MED13L: variants seen among roughly 807,000 people sequenced by gnomAD.
The protein encoded by MED13L is mediator of RNA polymerase II transcription subunit 13-like.
In MED13L, 7 loss-of-function variants were observed where a neutral mutation model predicts 220.9. The ratio of observed to expected loss-of-function variants is 0.03; its 90% confidence interval spans 0.02 to 0.06. MED13L has a LOEUF of 0.06. MED13L is among the 10% of genes least tolerant of loss of function. The pLI, the probability that MED13L is intolerant of heterozygous loss-of-function variation, is 1.00. For synonymous variants in MED13L, 1,011 were observed against 1,015.2 expected, an observed-to-expected ratio of 1.00 and a Z score of 0.08; for missense variants, 1,965 against 2,760.5, an observed-to-expected ratio of 0.71 and a Z score of 6.46.
At position 116,209,556 on chromosome 12, in the gene MED13L, G is replaced by A. The variant is rs533312005; in HGVS notation, c.310+27912C>T. Among the ~76,000 whole-genome samples the A allele has an allele frequency of 7.2e-5, 11 of 152,206 alleles. 4 individuals are homozygous for A. The highest frequency in any genetic ancestry group is 2.4e-4 in the African/African-American group (10 of 41,522). On this transcript the variant is annotated intron_variant, in intron 2 of 30. Coordinates refer to ENST00000281928, the MANE Select transcript of MED13L (RefSeq NM_015335.5). ...TTCCACACTTCTCTGAAGCAATGCC[G>A]TGAAAATCATGGCTCTTCACTCAGT... is the stretch of plus-strand genomic sequence containing the variant.
At position 116,051,675 on chromosome 12, in the gene MED13L, A is replaced by G. The variant is rs1868520924; in HGVS notation, c.480-29074T>C. ...AAATTCATTTAGGTACATTTATATTACATATAATACCTTAAGCACACAAAT... is the reference window on the plus strand; with the variant it reads ...AAATTCATTTAGGTACATTTATATTGCATATAATACCTTAAGCACACAAAT... On this transcript the variant is annotated intron_variant, in intron 4 of 30. Coordinates refer to ENST00000281928, the MANE Select transcript of MED13L (RefSeq NM_015335.5). Among the ~76,000 whole-genome samples the G allele has an allele frequency of 2.0e-5, 3 of 152,358 alleles. No individual in the cohort carries two copies. In the South Asian group the frequency reaches 6.2e-4, roughly 32 times the overall value.
In MED13L at chr12:116,005,878, G is replaced by A. The variant is rs1879016439; in HGVS notation, c.2460C>T (p.Asp820=). Residue 820 remains aspartate (D), a synonymous_variant, in exon 13 of 31, where the codon GAC becomes GAT. Coordinates refer to ENST00000281928, the MANE Select transcript of MED13L (RefSeq NM_015335.5). ...LDNIFDNSDD[D]ELGAVSPALR... is the part of the protein sequence containing the mutation. ...GCTACGGCAAACTCACCCCAAGTTC[G>A]TCGTCATCAGAATTATCAAAGATGT... 5 of 1,613,714 alleles carry A rather than the reference G, an allele frequency of 3.1e-6. No individual in the cohort carries two copies. Among genetic ancestry groups the A allele is most frequent in the Non-Finnish European group, 4.2e-6 (5 of 1,179,804 alleles).
chr12:116,029,011 C>T (rs1297284066), intron 4 of MED13L, among the ~76,000 whole-genome samples: 1 of 152,108 alleles, frequency 6.6e-6, no homozygotes, highest in African/African-American at 2.4e-5. Context: ...TGAAGCACCT[C>T]CTCTTGACCA....
chr12:116,198,487 T>C (rs1254951624), intron 2 of MED13L, among the ~76,000 whole-genome samples: 2 of 152,162 alleles, frequency 1.3e-5, no homozygotes, highest in East Asian at 3.9e-4. Flanking sequence ...AATCCCAAAC[T>C]GAATAAATTG....
intron 4 of MED13L, among the ~76,000 whole-genome samples, chr12:116,046,463 T>C (rs1042780693): frequency 6.6e-6 from 1 of 152,240 alleles, no homozygotes; most frequent in Non-Finnish European, 1.5e-5. Context: ...AATGGCTTTG[T>C]CTTTTGTTAC....
intron 5 of MED13L, among the ~76,000 whole-genome samples, chr12:116,020,783 A>G (rs1396077569): frequency 2.6e-5 from 4 of 152,204 alleles, no homozygotes; most frequent in African/African-American, 7.2e-5. Flanking sequence ...GAGTACTTCA[A>G]TCTTCCAAAT....
intron 2 of MED13L, among the ~76,000 whole-genome samples, chr12:116,207,381 T>C (rs1175602737): frequency 6.6e-6 from 1 of 152,192 alleles, no homozygotes. Context: ...TGCAATAACA[T>C]GCTGTAGCCT....
intron 2 of MED13L, among the ~76,000 whole-genome samples, chr12:116,114,385 G>T (rs80170095): frequency 0.019 from 2,957 of 152,288 alleles, 54 homozygotes; most frequent in Middle Eastern, 0.051. Flanking sequence ...CACAGGCAAT[G>T]CCAGCTTTAC....
At chr12:116,204,565 G>T (rs1882197900) in intron 2 of MED13L, among the ~76,000 whole-genome samples, 1 of 152,092 alleles carries the variant, frequency 6.6e-6, no homozygotes, top group African/African-American at 2.4e-5. Context: ...ATGTGTTCTG[G>T]TGTTTGCTGT....
intron 5 of MED13L, among the ~76,000 whole-genome samples, chr12:116,021,903 A>G (rs1458058501): frequency 6.6e-6 from 1 of 152,202 alleles, no homozygotes; most frequent in East Asian, 1.9e-4. Context: ...ATTAATGAAA[A>G]TATGAATGTA....
At chr12:116,068,629 A>G (rs974230378) in intron 4 of MED13L, among the ~76,000 whole-genome samples, 4 of 152,182 alleles carry the variant, frequency 2.6e-5, no homozygotes, top group Non-Finnish European at 5.9e-5. Context: ...GGCAACAGCT[A>G]TTCTCAGAAT....
At chr12:116,073,153 C>G (rs1216443366) in intron 4 of MED13L, among the ~76,000 whole-genome samples, 1 of 152,000 alleles carries the variant, frequency 6.6e-6, no homozygotes, top group East Asian at 1.9e-4. Context: ...CGTGCAGTCT[C>G]TTACACTGCC....
At chr12:116,202,050 G>C (rs891110138) in intron 2 of MED13L, among the ~76,000 whole-genome samples, 1 of 152,142 alleles carries the variant, frequency 6.6e-6, no homozygotes, top group Admixed American at 6.5e-5. Context: ...ATCAATTCAA[G>C]TCACATTCCT....
chr12:116,111,516 AAAAAAAAAAGAAAAAAG>A lies in MED13L; in HGVS notation c.311-21_311-5del, dbSNP rs1874081698. ...TCCCAGAGTCCTTCTTCCACAACTG[AAAAAAAAAAGAAAAAAG>A]AAAAAAAAAGAACCAGTAAAAAGGA... On this transcript the variant is annotated splice_region_variant and splice_polypyrimidine_tract_variant and intron_variant, in intron 2 of 30. Coordinates refer to ENST00000281928, the MANE Select transcript of MED13L (RefSeq NM_015335.5). 2 of 1,430,542 alleles carry A rather than the reference AAAAAAAAAAGAAAAAAG, an allele frequency of 1.4e-6. No homozygotes were observed. The highest frequency in any genetic ancestry group is 1.9e-6 in the Non-Finnish European group (2 of 1,045,932). The allele number at this position is 1,430,542 out of a possible 1,614,324, so 88.6% of individuals were successfully genotyped here.
intron 1 of MED13L, among the ~76,000 whole-genome samples, chr12:116,258,859 A>G (rs754410597): frequency 2.6e-5 from 4 of 151,480 alleles, no homozygotes; most frequent in South Asian, 2.1e-4. Context: ...ACCCATATAG[A>G]TGAAAAGATG....
chr12:116,091,411 C>T (rs1170566458), intron 4 of MED13L, among the ~76,000 whole-genome samples: 1 of 152,120 alleles, frequency 6.6e-6, no homozygotes, highest in African/African-American at 2.4e-5. Flanking sequence ...AAAGCAAATA[C>T]TGTATTTAAC....
chr12:116,112,402 A>G (rs1412274541), intron 2 of MED13L, among the ~76,000 whole-genome samples: 1 of 152,206 alleles, frequency 6.6e-6, no homozygotes, highest in East Asian at 1.9e-4. Flanking sequence ...TAAAACACAC[A>G]TGATATCCAC....
rs141337373 is a variant in MED13L, at chr12:116,132,121, T to C, written c.311-20609A>G. Among the ~76,000 whole-genome samples the C allele has an allele frequency of 6.5e-3, 983 of 150,580 alleles. 23 individuals carry two copies. The highest frequency in any genetic ancestry group is 0.052 in the Admixed American group (793 of 15,116). ...CTGTGAAACCCCGTCTCTACAAAAG[T>C]ACAAAAAAAATTAGCAGGTCATGAC... On this transcript the variant is annotated intron_variant, in intron 2 of 30. Transcript: ENST00000281928.
chr12:116,224,383 C>T (rs1868751465), intron 2 of MED13L, among the ~76,000 whole-genome samples: 1 of 152,128 alleles, frequency 6.6e-6, no homozygotes, highest in African/African-American at 2.4e-5. Context: ...GGTTATTATG[C>T]CCAAAAATCA....
Sources: gnomAD v4.1 joint callset for allele counts (sites outside exome capture counted in the v4.1 genomes callset) on GRCh38, gnomAD v4.1.1 for gene constraint, MANE v1.5 for transcripts, NCBI Gene and HGNC (gene_info 2026-07-23, HGNC 2026-07-21) for gene names.